The following FERMT2 variants were observed in gnomAD, a reference collection of about 807,000 sequenced individuals.
The protein encoded by FERMT2 is FERM domain containing kindlin 2.
In FERMT2, 15 loss-of-function variants were observed where a neutral mutation model predicts 82.7. The observed-to-expected ratio is 0.18, with a 90% confidence interval of 0.12 to 0.28. FERMT2 has a LOEUF of 0.28. Among genes scored for constraint, FERMT2 ranks in the 10% least tolerant of loss-of-function variants. FERMT2 has a pLI of 1.00. For missense variants in FERMT2, 645 were observed against 809.4 expected (o/e 0.80, Z 2.46); for synonymous variants, 274 against 271.5 (o/e 1.01, Z -0.09).
intron 10 of FERMT2, among the ~76,000 whole-genome samples, chr14:52,865,273 A>G (rs922321009): frequency 1.3e-5 from 2 of 152,148 alleles, no homozygotes; most frequent in African/African-American, 4.8e-5. Context: ...GTGAGCTGAG[A>G]TCGCACCGTT....
intron 6 of FERMT2, among the ~76,000 whole-genome samples, chr14:52,880,024 G>T (rs990281740): frequency 1.3e-5 from 2 of 152,218 alleles, no homozygotes; most frequent in Admixed American, 6.5e-5. Flanking sequence ...ACTTTGGGAG[G>T]CTGAGGCAGG....
At chr14:52,887,130 T>A (rs1488128781) in intron 4 of FERMT2, among the ~76,000 whole-genome samples, 2 of 151,800 alleles carry the variant, frequency 1.3e-5, no homozygotes, top group African/African-American at 2.4e-5. Flanking sequence ...GGTGCAGTGA[T>A]CCCAGCACTT....
At chr14:52,909,120 G>A (rs1888171680) in intron 3 of FERMT2, among the ~76,000 whole-genome samples, 1 of 152,198 alleles carries the variant, frequency 6.6e-6, no homozygotes, top group Non-Finnish European at 1.5e-5. Flanking sequence ...GGACACAGGT[G>A]TGGAAGAGAG....
chr14:52,885,339 A>AAAAAC (rs56869155), intron 4 of FERMT2, among the ~76,000 whole-genome samples: 2 of 150,654 alleles, frequency 1.3e-5, no homozygotes, highest in African/African-American at 2.4e-5. Context: ...AAAAAAAAAA[A>AAAAAC]TCTGTTACTA....
chr14:52,907,011 A>AT (rs927453406), intron 3 of FERMT2, among the ~76,000 whole-genome samples: 32 of 81,062 alleles, frequency 3.9e-4, no homozygotes, highest in East Asian at 1.4e-3. Context: ...TGAAGGCAAA[A>AT]TTAAAAAAAA....
intron 2 of FERMT2, among the ~76,000 whole-genome samples, chr14:52,923,431 A>T (rs1313990313): frequency 1.3e-5 from 2 of 152,158 alleles, no homozygotes; most frequent in Non-Finnish European, 2.9e-5. Flanking sequence ...AAAGAAAAGA[A>T]AACTTTGCAG....
chr14:52,899,222 A>G (rs1189060040), intron 3 of FERMT2, among the ~76,000 whole-genome samples: 1 of 152,114 alleles, frequency 6.6e-6, no homozygotes, highest in Admixed American at 6.6e-5. Flanking sequence ...TTTTTGCAGT[A>G]GCTCAGGGCT....
At chr14:52,950,343 G>C (rs1431442497) in intron 2 of FERMT2, 69 bp downstream of exon 2, 1 of 1,503,880 alleles carries the variant, frequency 6.6e-7, no homozygotes, top group Non-Finnish European at 9.1e-7. Flanking sequence ...CTCCCCCGTC[G>C]TGAGCCTCTT....
chr14:52,860,935 G>T (rs1884889948), intron 12 of FERMT2: 1 of 987,468 alleles, frequency 1.0e-6, no homozygotes, highest in Non-Finnish European at 1.5e-6. Context: ...TCACTACTGG[G>T]GTAAATTCCA....
chr14:52,868,175 C>A (rs1364292265), intron 10 of FERMT2, among the ~76,000 whole-genome samples: 1 of 151,796 alleles, frequency 6.6e-6, no homozygotes, highest in East Asian at 1.9e-4. Flanking sequence ...TCATCCTTCC[C>A]CTTAAATTCT....
intron 12 of FERMT2, chr14:52,861,168 A>T: frequency 2.9e-6 from 2 of 696,668 alleles, no homozygotes; most frequent in Non-Finnish European, 4.8e-6. Context: ...TCATGCAAAA[A>T]ACTACTTTAG....
In FERMT2 at chr14:52,858,327, A is replaced by C; in HGVS notation, c.*50T>G. Reference sequence around the variant, plus strand: ...AAGCAGCATATAACAAACAGCTTTTAAAGTTAAATATTGTTATGGCCGTGG... The same window carrying C: ...AAGCAGCATATAACAAACAGCTTTTCAAGTTAAATATTGTTATGGCCGTGG... On this transcript the variant is annotated 3_prime_UTR_variant, in exon 15 of 15. Transcript: ENST00000341590. The C allele has an allele frequency of 2.0e-6, 3 of 1,501,224 alleles. No homozygotes were observed. The highest frequency in any genetic ancestry group is 1.2e-5 in the South Asian group (1 of 86,782). The allele number at this position is 1,501,224 out of a possible 1,614,324, so 93.0% of individuals were successfully genotyped here.
intron 2 of FERMT2, among the ~76,000 whole-genome samples, chr14:52,924,729 T>C (rs562073563): frequency 2.0e-5 from 3 of 152,246 alleles, no homozygotes; most frequent in East Asian, 3.9e-4. Context: ...AGGAGAATAA[T>C]AGCGATCAAT....
rs556364000 is a variant in FERMT2, at chr14:52,924,148, G to A, written c.158-4792C>T. ...GGCACTGTTCTAGTGCTAGAGATAT[G>A]ATGATGAACAAAACAAAGTTCCAGC... On this transcript the variant is annotated intron_variant, in intron 2 of 14. Transcript: ENST00000341590. Among the ~76,000 whole-genome samples, 4 of 152,296 alleles carry A rather than the reference G, an allele frequency of 2.6e-5. No individual in the cohort carries two copies. The South Asian group carries it at 8.3e-4, about 32-fold the overall frequency.
At chr14:52,929,709 C>T (rs1328690460) in intron 2 of FERMT2, among the ~76,000 whole-genome samples, 1 of 152,268 alleles carries the variant, frequency 6.6e-6, no homozygotes, top group East Asian at 1.9e-4. Flanking sequence ...CTCAGAGAAG[C>T]CTTTTTTAGC....
intron 3 of FERMT2, among the ~76,000 whole-genome samples, chr14:52,913,605 T>C (rs1254101107): frequency 6.6e-6 from 1 of 151,942 alleles, no homozygotes; most frequent in Non-Finnish European, 1.5e-5. Context: ...GGGCTTTGTC[T>C]CACATTTTGG....
chr14:52,933,803 G>C (rs1229507859), intron 2 of FERMT2, among the ~76,000 whole-genome samples: 2 of 150,104 alleles, frequency 1.3e-5, no homozygotes, highest in East Asian at 3.9e-4. Context: ...TCCGTTAACA[G>C]GTTCCACAAA....
At chr14:52,948,498 G>A in intron 2 of FERMT2, 2 of 434,452 alleles carry the variant, frequency 4.6e-6, no homozygotes, top group East Asian at 7.1e-5. Flanking sequence ...CAAAATATAA[G>A]AGGAATCAGT....
In FERMT2 at chr14:52,936,152, G is replaced by C. The variant is rs138525169; in HGVS notation, c.157+14260C>G. ...GGACAAAATTCACCAGTTAGTATTG[G>C]ACTTAGAGAAGTATTAGTTGTGTTT... On this transcript the variant is annotated intron_variant, in intron 2 of 14. Transcript: ENST00000341590. Among the ~76,000 whole-genome samples, 465 of 152,290 alleles carry C rather than the reference G, an allele frequency of 3.1e-3. 4 individuals are homozygous for C. The highest frequency in any genetic ancestry group is 0.01 in the African/African-American group (432 of 41,548).
Sources: allele counts gnomAD v4.1 joint callset (sites outside exome capture counted in the v4.1 genomes callset), GRCh38; gene constraint gnomAD v4.1.1; transcripts MANE v1.5; gene names NCBI Gene and HGNC (gene_info 2026-07-23, HGNC 2026-07-21).